ACSL6: variants seen among roughly 807,000 people sequenced by gnomAD.
ACSL6 encodes the protein long-chain-fatty-acid--CoA ligase 6.
ACSL6 carries 47 observed loss-of-function variants against 98.2 expected under a neutral mutation model. That is an observed-to-expected ratio of 0.48 (90% CI 0.38 to 0.61). The LOEUF is 0.61. Ranked by LOEUF, ACSL6 falls within the 20% of genes least tolerant of loss-of-function variation. ACSL6 has a pLI of 0.00. For synonymous variants in ACSL6, 362 were observed against 336.9 expected (o/e 1.07, Z -0.82); for missense variants, 761 against 913.4 (o/e 0.83, Z 2.15).
intron 1 of ACSL6, among the ~76,000 whole-genome samples, chr5:131,996,360 C>T (rs1754793139): frequency 6.6e-6 from 1 of 152,244 alleles, no homozygotes; most frequent in South Asian, 2.1e-4. Context: ...GGGACATTTA[C>T]TTCCTTAAGC....
At chr5:131,962,505 T>C in intron 18 of ACSL6, 30 bp downstream of exon 18, 2 of 1,589,654 alleles carry the variant, frequency 1.3e-6, no homozygotes, top group Non-Finnish European at 8.6e-7. Flanking sequence ...GCCCAGGATA[T>C]GTGGGAGGGC....
chr5:131,968,469 G>C (rs532000993), intron 15 of ACSL6, among the ~76,000 whole-genome samples: 38 of 152,286 alleles, frequency 2.5e-4, no homozygotes, highest in African/African-American at 9.1e-4. Context: ...TGATTACTAT[G>C]CTGGAAATCT....
In ACSL6 at chr5:131,994,225, T is replaced by C. The variant is rs374137065; in HGVS notation, c.76A>G (p.Met26Val). Residue 26 changes from methionine to valine, a missense_variant, in exon 2 of 21, where the codon ATG (methionine) becomes GTG (valine). Met to Val is a conservative substitution (Grantham distance 21). Transcript: ENST00000651883. ...VEFVLSLLEKMQTQEILRILR... is the reference protein window; with the variant it reads ...VEFVLSLLEKVQTQEILRILR... ...ATCCTCAGGATCTCCTGTGTCTGCATCTTCTCCAGAAGTGAGAGGACAAAC... is the reference window on the plus strand; with the variant it reads ...ATCCTCAGGATCTCCTGTGTCTGCACCTTCTCCAGAAGTGAGAGGACAAAC... 7.4e-6 allele frequency: 12 copies of C among 1,613,216 alleles called. No individual in the cohort carries two copies. Among genetic ancestry groups the C allele is most frequent in the Non-Finnish European group, 1.0e-5 (12 of 1,179,644 alleles).
At chr5:131,976,341 A>G in intron 10 of ACSL6, 4 of 616,494 alleles carry the variant, frequency 6.5e-6, no homozygotes, top group South Asian at 7.2e-5. Context: ...GGGTATATCA[A>G]TTTTTGAAGT....
chr5:132,008,506 T>A (rs1465491828), intron 1 of ACSL6, among the ~76,000 whole-genome samples: 1 of 152,188 alleles, frequency 6.6e-6, no homozygotes, highest in African/African-American at 2.4e-5. Context: ...TTGGACCACA[T>A]CTATTCTTAT....
intron 17 of ACSL6, among the ~76,000 whole-genome samples, chr5:131,965,199 A>G (rs1402146624): frequency 6.6e-6 from 1 of 152,056 alleles, no homozygotes; most frequent in African/African-American, 2.4e-5. Context: ...ACACCTCAAA[A>G]TGTCCACCCA....
chr5:131,990,097 C>T lies in ACSL6; in HGVS notation c.450+3G>A. 4 of 1,613,576 alleles carry T rather than the reference C, an allele frequency of 2.5e-6. No individual in the cohort carries two copies. The highest frequency in any genetic ancestry group is 3.4e-6 in the Non-Finnish European group (4 of 1,179,908). On this transcript the variant is annotated splice_donor_region_variant and intron_variant, in intron 4 of 20. Transcript: ENST00000651883. ...AGGGTGGGGCCTGTCCTGTATCACT[C>T]ACCTCCTGGTAGGACAGCCACTGGT...
chr5:131,988,019 C>G (rs368269614), intron 7 of ACSL6, 29 bp downstream of exon 7: 1 of 1,607,456 alleles, frequency 6.2e-7, no homozygotes. Context: ...AGCAGTAGCC[C>G]AGCAAACCGC....
intron 1 of ACSL6, among the ~76,000 whole-genome samples, chr5:132,009,567 C>T (rs1257046379): frequency 6.6e-6 from 1 of 152,216 alleles, no homozygotes; most frequent in Admixed American, 6.5e-5. Flanking sequence ...GCACCATAGA[C>T]CAGCCTCAGC....
At chr5:131,956,893 A>C (rs1455581336) in intron 20 of ACSL6, among the ~76,000 whole-genome samples, 1 of 152,206 alleles carries the variant, frequency 6.6e-6, no homozygotes, top group Non-Finnish European at 1.5e-5. Context: ...GAAAAGAAAA[A>C]GGGAGATGCC....
chr5:132,000,531 T>G (rs1325481630), intron 1 of ACSL6, among the ~76,000 whole-genome samples: 5 of 152,062 alleles, frequency 3.3e-5, no homozygotes, highest in Non-Finnish European at 5.9e-5. Context: ...GGTGGCTACT[T>G]CCATAGCATT....
intron 1 of ACSL6, among the ~76,000 whole-genome samples, chr5:132,004,023 C>A (rs1195228977): frequency 6.6e-6 from 1 of 152,178 alleles, no homozygotes; most frequent in Non-Finnish European, 1.5e-5. Context: ...GAAGACCCTG[C>A]AGTGCACAGA....
chr5:132,004,507 G>A (rs1217343971), intron 1 of ACSL6, among the ~76,000 whole-genome samples: 1 of 152,226 alleles, frequency 6.6e-6, no homozygotes, highest in Admixed American at 6.5e-5. Flanking sequence ...AGGGAGATAT[G>A]TCTTGTCAGC....
chr5:131,968,866 G>A (rs1753158649), intron 15 of ACSL6, among the ~76,000 whole-genome samples: 2 of 152,114 alleles, frequency 1.3e-5, no homozygotes. Context: ...ACTATTCAAA[G>A]ATATCAATCC....
At chr5:131,956,016 G>C (rs913677542) in intron 20 of ACSL6, among the ~76,000 whole-genome samples, 2 of 152,104 alleles carry the variant, frequency 1.3e-5, no homozygotes, top group Non-Finnish European at 2.9e-5. Context: ...TTAAAAATGA[G>C]ATACAAATGC....
intron 1 of ACSL6, 172 bp from the exon 2 acceptor site, chr5:131,994,423 G>A (rs1754688499): frequency 1.6e-6 from 1 of 608,050 alleles, no homozygotes; most frequent in Non-Finnish European, 2.9e-6. Context: ...CTTTTCCCAG[G>A]AAGAGGCCAG....
At chr5:131,959,401 G>A in intron 20 of ACSL6, 135 bp downstream of exon 20, 1 of 883,772 alleles carries the variant, frequency 1.1e-6, no homozygotes, top group Non-Finnish European at 1.8e-6. Flanking sequence ...AGGCCTTCAG[G>A]GGTCCATTGG....
intron 13 of ACSL6, 73 bp downstream of exon 13, chr5:131,972,648 ACTT>A: frequency 6.5e-7 from 1 of 1,540,762 alleles, no homozygotes; most frequent in African/African-American, 1.4e-5. Flanking sequence ...ACTGGGATGA[ACTT>A]CTCCAGTTCT....
At chr5:132,002,030 A>G (rs1755113674) in intron 1 of ACSL6, 1 of 152,246 alleles carries the variant, frequency 6.6e-6, no homozygotes, top group Non-Finnish European at 1.5e-5. Flanking sequence ...AGCAGGGGCT[A>G]AAAAAACAGC....
Sources: gnomAD v4.1 joint callset for allele counts (sites outside exome capture counted in the v4.1 genomes callset) on GRCh38, gnomAD v4.1.1 for gene constraint, MANE v1.5 for transcripts, NCBI Gene and HGNC (gene_info 2026-07-23, HGNC 2026-07-21) for gene names.